Variants in SHROOM2 observed in about 807,000 individuals in gnomAD.
SHROOM2 encodes the protein shroom family member 2, also known as protein Shroom2.
SHROOM2 carries 33 observed loss-of-function variants against 75.9 expected under a neutral mutation model. The ratio of observed to expected loss-of-function variants is 0.43; its 90% CI spans 0.33 to 0.58. The LOEUF (loss-of-function observed/expected upper bound fraction) is 0.58. Among genes scored for constraint, SHROOM2 ranks in the 20% least tolerant of loss-of-function variants. SHROOM2 has a pLI of 0.04. For missense variants in SHROOM2, 1,434 were observed against 1,461.2 expected (o/e 0.98, Z 0.30); for synonymous variants, 655 against 663.6 (o/e 0.99, Z 0.20).
chrX:9,921,316 C>G (rs2084542745), intron 5 of SHROOM2, among the ~76,000 whole-genome samples: 1 of 111,924 alleles, frequency 8.9e-6, no homozygotes, highest in Admixed American at 9.5e-5. Flanking sequence ...GTATAATTGA[C>G]ATATAAAAGG....
At chrX:9,866,197 T>C (rs1251598992) in intron 1 of SHROOM2, among the ~76,000 whole-genome samples, 1 of 106,756 alleles carries the variant, frequency 9.4e-6, no homozygotes, top group African/African-American at 3.4e-5. Context: ...GAACCTTCAG[T>C]GTGGACAAGG....
chrX:9,822,982 ATAATTCTTC>A (rs1270662446), intron 1 of SHROOM2, among the ~76,000 whole-genome samples: 55 of 90,878 alleles, frequency 6.1e-4, no homozygotes, highest in African/African-American at 2.1e-3. Context: ...AATAAGAATA[ATAATTCTTC>A]TTCTTCTTCT....
At chrX:9,817,544 C>T (rs890950962) in intron 1 of SHROOM2, among the ~76,000 whole-genome samples, 1 of 111,854 alleles carries the variant, frequency 8.9e-6, no homozygotes, top group East Asian at 2.8e-4. Context: ...TCAAAGACTA[C>T]AATTTAGGGC....
intron 1 of SHROOM2, among the ~76,000 whole-genome samples, chrX:9,869,044 C>T (rs992510248): frequency 2.7e-5 from 3 of 111,995 alleles, no homozygotes; most frequent in South Asian, 3.8e-4. Flanking sequence ...GTAACCTCCA[C>T]CTCTCAGGAG....
intron 1 of SHROOM2, among the ~76,000 whole-genome samples, chrX:9,808,648 G>A (rs1387459606): frequency 9.0e-6 from 1 of 110,846 alleles, no homozygotes; most frequent in South Asian, 3.9e-4. Context: ...GATCACCTGA[G>A]GTCAGGAGTT....
At chrX:9,941,670 G>C (rs745955255) in intron 8 of SHROOM2, among the ~76,000 whole-genome samples, 51 of 111,272 alleles carry the variant, frequency 4.6e-4, no homozygotes, top group Non-Finnish European at 4.7e-4. Context: ...AAGAATAATG[G>C]CACTGAAAAT....
At chrX:9,893,762 G>A (rs1430176177) in intron 3 of SHROOM2, among the ~76,000 whole-genome samples, 1 of 109,926 alleles carries the variant, frequency 9.1e-6, no homozygotes, top group Non-Finnish European at 1.9e-5. Flanking sequence ...GACCAGCCTG[G>A]CCAACATGGT....
At chrX:9,820,238 T>A (rs1394292606) in intron 1 of SHROOM2, among the ~76,000 whole-genome samples, 1 of 105,731 alleles carries the variant, frequency 9.5e-6, no homozygotes, top group East Asian at 3.0e-4. Context: ...CGACTGAAGC[T>A]GGCACCATCC....
At chrX:9,868,039 A>T (rs1302656699) in intron 1 of SHROOM2, among the ~76,000 whole-genome samples, 1 of 108,910 alleles carries the variant, frequency 9.2e-6, no homozygotes, top group Non-Finnish European at 1.9e-5. Context: ...CGAAAACCCC[A>T]CCCGGTCACC....
At chrX:9,902,622 A>G (rs1334443118) in intron 5 of SHROOM2, among the ~76,000 whole-genome samples, 2 of 112,758 alleles carry the variant, frequency 1.8e-5, no homozygotes, top group African/African-American at 6.4e-5. Flanking sequence ...AGACATAAAC[A>G]TCTCAAAATA....
chrX:9,939,047 T>C, intron 7 of SHROOM2, 148 bp from the exon 8 acceptor site: 1 of 436,736 alleles, frequency 2.3e-6, no homozygotes, highest in Non-Finnish European at 3.9e-6. Flanking sequence ...TGTTACCTAC[T>C]TACTTTTCCC....
At chrX:9,937,709 T>A in intron 7 of SHROOM2, 24 bp downstream of exon 7, 2 of 1,118,243 alleles carry the variant, frequency 1.8e-6, no homozygotes, top group African/African-American at 3.6e-5. Context: ...GCCTCCCAGC[T>A]TGGGCGTGAC....
chrX:9,875,745 A>AGTTT (rs1349374070), intron 2 of SHROOM2, among the ~76,000 whole-genome samples: 1 of 112,710 alleles, frequency 8.9e-6, no homozygotes, highest in African/African-American at 3.2e-5. Flanking sequence ...GGATATTTGT[A>AGTTT]GTTTGTTTGT....
At chrX:9,825,675 C>T (rs1350692924) in intron 1 of SHROOM2, among the ~76,000 whole-genome samples, 1 of 111,883 alleles carries the variant, frequency 8.9e-6, no homozygotes, top group African/African-American at 3.2e-5. Flanking sequence ...GCTGAGTGCT[C>T]GAGCTGCATT....
chrX:9,909,414 A>T (rs2084409285), intron 5 of SHROOM2, among the ~76,000 whole-genome samples: 2 of 112,818 alleles, frequency 1.8e-5, no homozygotes, highest in Admixed American at 1.9e-4. Context: ...AAGGAGGTGG[A>T]GCATAGCTCC....
At chrX:9,875,748 T>C (rs2084197611) in intron 2 of SHROOM2, among the ~76,000 whole-genome samples, 1 of 112,834 alleles carries the variant, frequency 8.9e-6, no homozygotes, top group Non-Finnish European at 1.9e-5. Context: ...TATTTGTAGT[T>C]TGTTTGTTTG....
At chrX:9,798,325 A>G (rs1231141839) in intron 1 of SHROOM2, among the ~76,000 whole-genome samples, 1 of 112,189 alleles carries the variant, frequency 8.9e-6, no homozygotes, top group Non-Finnish European at 1.9e-5. Flanking sequence ...TATTGGTGTT[A>G]ATTGTGCATC....
intron 6 of SHROOM2, 106 bp from the exon 7 acceptor site, chrX:9,937,022 GGCTAGT>G: frequency 1.3e-6 from 1 of 794,855 alleles, no homozygotes. Flanking sequence ...TTGGGTGGCT[GGCTAGT>G]GCCTTTGAGT....
Position 9,937,491 on chromosome X carries a change from G to T in SHROOM2, c.3945G>T (p.Lys1315Asn). 8.3e-7 allele frequency: 1 copy of T among 1,211,796 alleles called. No homozygotes were observed. Among genetic ancestry groups the T allele is most frequent in the Non-Finnish European group, 1.1e-6 (1 of 895,566 alleles). The change falls in exon 7 of 10, where the codon AAG becomes AAT. Residue 1315 changes from lysine (K) to asparagine (N), a missense_variant. Lys to Asn is a moderately conservative substitution (Grantham distance 94, BLOSUM62 0). This residue lies in a region of SHROOM2 where 1,340 missense variants were observed against 1,338.3 expected (regional missense o/e 1.00). Coordinates refer to ENST00000380913, the MANE Select transcript of SHROOM2 (RefSeq NM_001649.4). ...AAGAGAAGACTGTGGAAGACCTGAA[G>T]TCGGAGGAGCTGGCCAGGGAGATCG... ...KAKEKTVEDLKSEELAREIVG... is the reference protein window; with the variant it reads ...KAKEKTVEDLNSEELAREIVG...
Sources: gnomAD v4.1 joint callset for allele counts (sites outside exome capture counted in the v4.1 genomes callset) on GRCh38, gnomAD v4.1.1 for gene constraint, gnomAD v4.1.1 regional missense constraint, MANE v1.5 for transcripts, NCBI Gene and HGNC (gene_info 2026-07-23, HGNC 2026-07-21) for gene names.